PDZD2: variants seen among roughly 807,000 people sequenced by gnomAD.
PDZD2 encodes the protein PDZ domain containing 2, also known as PDZ domain-containing protein 2.
Under a neutral mutation model 220.7 loss-of-function variants are expected in PDZD2, and 90 were observed. The observed-to-expected ratio is 0.41, with a 90% confidence interval of 0.34 to 0.49. PDZD2 has a LOEUF of 0.49. Ranked by LOEUF, PDZD2 falls within the 20% of genes least tolerant of loss-of-function variation. The pLI is 0.28. For missense variants in PDZD2, 3,174 were observed against 3,608.5 expected (o/e 0.88, Z 3.08); for synonymous variants, 1,375 against 1,450.5 (o/e 0.95, Z 1.18).
rs953706606 is a variant in PDZD2, at chr5:32,110,842, A to ATGT, written c.*2711_*2713dup. On this transcript the variant is annotated 3_prime_UTR_variant, in exon 25 of 25. Transcript: ENST00000438447. ...ATGAAATAGCCTGTACATTTTAAAA[A>ATGT]TGTTGTCACCAAGTTATATAAATCC... is the stretch of plus-strand genomic sequence containing the variant. The ATGT allele has an allele frequency of 6.6e-6, 1 of 152,528 alleles. No individual in the cohort carries two copies. The highest frequency in any genetic ancestry group is 1.5e-5 in the Non-Finnish European group (1 of 68,046). The allele number at this position is 152,528 out of a possible 1,614,324, so 9.4% of individuals were successfully genotyped here. A position where few individuals can be genotyped will look rare whatever the true frequency, so the allele number is the denominator to read the frequency against.
At chr5:31,654,091 A>G (rs1470983990) in intron 1 of PDZD2, among the ~76,000 whole-genome samples, 1 of 151,998 alleles carries the variant, frequency 6.6e-6, no homozygotes, top group Non-Finnish European at 1.5e-5. Flanking sequence ...GCCCCAATAT[A>G]TGTTTTAAGC....
At chr5:31,846,733 G>C (rs561284863) in intron 2 of PDZD2, among the ~76,000 whole-genome samples, 1 of 152,178 alleles carries the variant, frequency 6.6e-6, no homozygotes, top group African/African-American at 2.4e-5. Flanking sequence ...TGCTTTGCTT[G>C]GTGCCACTGC....
At chr5:32,004,106 T>TG (rs34575153) in intron 5 of PDZD2, among the ~76,000 whole-genome samples, 36,126 of 146,542 alleles carry the variant, frequency 0.25, 4,399 homozygotes, top group Admixed American at 0.27. Context: ...AAAAAAAAGG[T>TG]GGGGGGGCCA....
intron 1 of PDZD2, among the ~76,000 whole-genome samples, chr5:31,730,075 G>T (rs1000989535): frequency 3.3e-5 from 5 of 152,184 alleles, no homozygotes; most frequent in Non-Finnish European, 7.3e-5. Context: ...TGATCTGCCT[G>T]ACTCAGCCTC....
At chr5:31,772,616 C>T (rs997888528) in intron 1 of PDZD2, among the ~76,000 whole-genome samples, 4 of 152,182 alleles carry the variant, frequency 2.6e-5, no homozygotes, top group African/African-American at 7.2e-5. Flanking sequence ...CCCTGTCTTA[C>T]GGATCTAGGT....
At chr5:31,915,412 T>G (rs1340201181) in intron 2 of PDZD2, among the ~76,000 whole-genome samples, 1 of 152,158 alleles carries the variant, frequency 6.6e-6, no homozygotes, top group East Asian at 1.9e-4. Context: ...GCCAGGAGTC[T>G]CCTCTATTCC....
At chr5:32,002,892 C>CA (rs1368308412) in intron 5 of PDZD2, among the ~76,000 whole-genome samples, 25 of 22,538 alleles carry the variant, frequency 1.1e-3, no homozygotes, top group Non-Finnish European at 1.8e-3. Flanking sequence ...ACCACACACA[C>CA]CAACACACAC....
At chr5:31,794,599 G>C (rs1396407826) in intron 1 of PDZD2, among the ~76,000 whole-genome samples, 1 of 151,832 alleles carries the variant, frequency 6.6e-6, no homozygotes, top group Non-Finnish European at 1.5e-5. Flanking sequence ...GAGATCAGGG[G>C]TTTCACCATG....
intron 1 of PDZD2, among the ~76,000 whole-genome samples, chr5:31,768,291 G>A (rs1752144264): frequency 6.6e-6 from 1 of 152,180 alleles, no homozygotes; most frequent in Admixed American, 6.5e-5. Flanking sequence ...CAAGGGACAG[G>A]GCGATATTCT....
chr5:31,748,724 T>C (rs1376294335), intron 1 of PDZD2, among the ~76,000 whole-genome samples: 1 of 152,244 alleles, frequency 6.6e-6, no homozygotes, highest in Middle Eastern at 3.2e-3. Context: ...GCAGCTCTGA[T>C]CACACGCTTG....
At chr5:32,003,177 TACACCACACAC>T (rs1752438371) in intron 5 of PDZD2, among the ~76,000 whole-genome samples, 1 of 30,528 alleles carries the variant, frequency 3.3e-5, no homozygotes. Context: ...CCACACACCA[TACACCACACAC>T]ACACTACACA....
At chr5:31,998,172 T>C (rs1447541810) in intron 4 of PDZD2, among the ~76,000 whole-genome samples, 1 of 152,198 alleles carries the variant, frequency 6.6e-6, no homozygotes, top group Non-Finnish European at 1.5e-5. Flanking sequence ...CATTGTGTTC[T>C]TGATTCCTCA....
chr5:31,957,040 T>C (rs1474359195), intron 2 of PDZD2, among the ~76,000 whole-genome samples: 1 of 152,132 alleles, frequency 6.6e-6, no homozygotes, highest in Non-Finnish European at 1.5e-5. Flanking sequence ...ACAAAAGGTA[T>C]AAGGGACACT....
At chr5:31,767,027 C>CTTTTTTTTTTT (rs3032828) in intron 1 of PDZD2, among the ~76,000 whole-genome samples, 5 of 94,298 alleles carry the variant, frequency 5.3e-5, no homozygotes, top group African/African-American at 1.5e-4. Flanking sequence ...TGCACCCAGC[C>CTTTTTTTTTTT]TTTTTTTTTT....
rs1750815191 is a variant in PDZD2, at chr5:31,987,563, C to T, written c.978+3907C>T. ...ACATTGTCCTACATGGTAACATCTCCCAAGTCTGTGTCTGAGCCCTCAGCT... is the reference window on the plus strand; with the variant it reads ...ACATTGTCCTACATGGTAACATCTCTCAAGTCTGTGTCTGAGCCCTCAGCT... On this transcript the variant is annotated intron_variant, in intron 3 of 24. Coordinates refer to ENST00000438447, the MANE Select transcript of PDZD2 (RefSeq NM_178140.4). 2.0e-5 allele frequency among the ~76,000 whole-genome samples: 3 copies of T among 152,186 alleles called. No homozygotes were observed. In the South Asian group the frequency reaches 6.2e-4, roughly 32 times the overall value.
intron 1 of PDZD2, among the ~76,000 whole-genome samples, chr5:31,760,841 G>A (rs1751592690): frequency 6.6e-6 from 1 of 152,162 alleles, no homozygotes; most frequent in African/African-American, 2.4e-5. Context: ...AGAATTGCTT[G>A]AGCCCACGAG....
intron 21 of PDZD2, among the ~76,000 whole-genome samples, chr5:32,096,565 C>A (rs766258000): frequency 1.3e-5 from 2 of 151,908 alleles, no homozygotes; most frequent in African/African-American, 4.8e-5. Flanking sequence ...GTGATCCGCC[C>A]GCCTTGGCCT....
intron 2 of PDZD2, among the ~76,000 whole-genome samples, chr5:31,886,465 G>T (rs1271080581): frequency 6.6e-6 from 1 of 152,068 alleles, no homozygotes; most frequent in Non-Finnish European, 1.5e-5. Context: ...CTCTGCTGAG[G>T]TTCTGCCCGC....
At chr5:31,958,018 A>G (rs1416405401) in intron 2 of PDZD2, among the ~76,000 whole-genome samples, 1 of 152,202 alleles carries the variant, frequency 6.6e-6, no homozygotes, top group Non-Finnish European at 1.5e-5. Flanking sequence ...TATACCATTT[A>G]AATCCAAAAT....
Sources: allele counts gnomAD v4.1 joint callset (sites outside exome capture counted in the v4.1 genomes callset), GRCh38; gene constraint gnomAD v4.1.1; transcripts MANE v1.5; gene names NCBI Gene and HGNC (gene_info 2026-07-23, HGNC 2026-07-21).